Variants in DIABLO observed in about 807,000 individuals in gnomAD.
DIABLO encodes diablo homolog, mitochondrial.
In DIABLO, 32 loss-of-function variants were observed where a neutral mutation model predicts 31.7. The ratio of observed to expected loss-of-function variants is 1.01; its 90% CI spans 0.76 to 1.35. The LOEUF (loss-of-function observed/expected upper bound fraction) is 1.35. DIABLO is among the 40% of genes most tolerant of loss of function. DIABLO has a pLI of 0.00. For synonymous variants in DIABLO, 132 were observed against 103.2 expected, an observed-to-expected ratio of 1.28 and a Z score of -1.69; for missense variants, 316 against 286.4, an observed-to-expected ratio of 1.10 and a Z score of -0.75.
chr12:122,217,979 T>TTA (rs1416284035), intron 3 of DIABLO, among the ~76,000 whole-genome samples: 28 of 140,334 alleles, frequency 2.0e-4, no homozygotes, highest in African/African-American at 6.9e-4. Flanking sequence ...GATTTTTCTG[T>TTA]AAAAAAAAAA....
At position 122,225,671 on chromosome 12, in the gene DIABLO, C is replaced by T. The variant is rs895415909; in HGVS notation, c.50+294G>A. 4.7e-5 allele frequency: 65 copies of T among 1,373,116 alleles called. No homozygotes were observed. In the African/African-American group the frequency reaches 9.0e-4, roughly 19 times the overall value. 85.1% of individuals were successfully genotyped at this position (1,373,116 alleles called of 1,614,324 possible). ...CCTCCTCTCCACGTCTCCTCAGGGA[C>T]TTCGAGTGGCTGACGAGGGCTGGTC... On this transcript the variant is annotated intron_variant, in intron 1 of 5. Coordinates refer to ENST00000464942, the MANE Select transcript of DIABLO (RefSeq NM_001371333.1).
intron 1 of DIABLO, chr12:122,225,694 G>A (rs1434859713): frequency 3.6e-6 from 5 of 1,402,122 alleles, no homozygotes; most frequent in Non-Finnish European, 4.6e-6. Context: ...ACGAGGGCTG[G>A]TCAGGAGGCG....
intron 1 of DIABLO, 68 bp from the exon 2 acceptor site, chr12:122,224,712 C>T (rs1566029642): frequency 6.2e-7 from 1 of 1,613,498 alleles, no homozygotes; most frequent in East Asian, 2.2e-5. Flanking sequence ...GATTTACTTG[C>T]AGGGGCTGTA....
At chr12:122,215,152 C>A (rs1477290519) in intron 5 of DIABLO, among the ~76,000 whole-genome samples, 1 of 152,036 alleles carries the variant, frequency 6.6e-6, no homozygotes. Context: ...ATTAGCCAGG[C>A]GTGGTGGTGC....
At chr12:122,222,051 G>A (rs1274288630) in intron 2 of DIABLO, 7 of 152,132 alleles carry the variant, frequency 4.6e-5, no homozygotes, top group African/African-American at 1.2e-4. Flanking sequence ...GAACACACAC[G>A]TTAAGTGGCA....
At chr12:122,209,366 AG>A (rs200508438) in intron 5 of DIABLO, among the ~76,000 whole-genome samples, 12,843 of 148,702 alleles carry the variant, frequency 0.086, 1,968 homozygotes, top group African/African-American at 0.31. Context: ...CAAAAAAAAA[AG>A]AAAAAAAGAA....
intron 5 of DIABLO, among the ~76,000 whole-genome samples, chr12:122,213,277 C>A (rs1463478417): frequency 6.6e-6 from 1 of 151,812 alleles, no homozygotes; most frequent in Non-Finnish European, 1.5e-5. Context: ...TGTCTGTAAT[C>A]CCAGCAGTTT....
chr12:122,213,596 A>G (rs1046969630), intron 5 of DIABLO, among the ~76,000 whole-genome samples: 2 of 151,858 alleles, frequency 1.3e-5, no homozygotes, highest in African/African-American at 4.8e-5. Flanking sequence ...TAATGCTTAT[A>G]CATCCCCTCC....
At chr12:122,213,133 C>G (rs1018148602) in intron 5 of DIABLO, among the ~76,000 whole-genome samples, 1 of 152,040 alleles carries the variant, frequency 6.6e-6, no homozygotes, top group African/African-American at 2.4e-5. Flanking sequence ...AGTCTGGTCT[C>G]GAACTCCTGA....
Position 122,207,704 on chromosome 12 carries a change from A to G in DIABLO, c.*677T>C. The G allele has an allele frequency of 1.8e-6, 1 of 563,646 alleles. No homozygotes were observed. The highest frequency in any genetic ancestry group is 3.4e-6 in the Non-Finnish European group (1 of 298,066). 34.9% of individuals were successfully genotyped at this position (563,646 alleles called of 1,614,324 possible). On this transcript the variant is annotated 3_prime_UTR_variant, in exon 6 of 6. Transcript: ENST00000464942. ...CGCATTTTCTCTTTCAGATGCAAAC[A>G]AAATCTTACACTCTTCTCCTTTGGA...
At chr12:122,213,606 C>T (rs1954138033) in intron 5 of DIABLO, among the ~76,000 whole-genome samples, 1 of 152,030 alleles carries the variant, frequency 6.6e-6, no homozygotes, top group Admixed American at 6.6e-5. Flanking sequence ...ACATCCCCTC[C>T]TTTTCTCCTT....
rs748596027 is a variant in DIABLO at position 122,216,518 on chromosome 12, C to T, written c.493G>A (p.Glu165Lys). The change falls in exon 5 of 6, where the codon GAG becomes AAG. Residue 165 changes from glutamate (E) to lysine (K), a missense_variant. Glu to Lys is a moderately conservative substitution (Grantham distance 56). Coordinates refer to ENST00000464942, the MANE Select transcript of DIABLO (RefSeq NM_001371333.1). ...TGATATGCAGCTTCTGCTGCCATCTCTGAAAGACCAACTGCAGTCATCCAA... is the reference window on the plus strand; with the variant it reads ...TGATATGCAGCTTCTGCTGCCATCTTTGAAAGACCAACTGCAGTCATCCAA... ...TTWMTAVGLS[E>K]MAAEAAYQTG... 6.2e-7 allele frequency: 1 copy of T among 1,614,072 alleles called. No individual in the cohort carries two copies. Among genetic ancestry groups the T allele is most frequent in the Non-Finnish European group, 8.5e-7 (1 of 1,180,012 alleles).
upstream of DIABLO, chr12:122,226,223 T>G (rs759410515): frequency 7.6e-6 from 6 of 794,232 alleles, no homozygotes; most frequent in African/African-American, 6.3e-5. Flanking sequence ...CCGCCGGAAC[T>G]TCCGCGCGGG....
chr12:122,227,450 C>A (rs976764873), upstream of DIABLO: 85 of 454,032 alleles, frequency 1.9e-4, no homozygotes, highest in Non-Finnish European at 3.1e-4. Context: ...GCGATCTCGG[C>A]AGAACTGAGA....
At chr12:122,209,463 A>C (rs1954027650) in intron 5 of DIABLO, among the ~76,000 whole-genome samples, 1 of 152,198 alleles carries the variant, frequency 6.6e-6, no homozygotes, top group Non-Finnish European at 1.5e-5. Flanking sequence ...CAGGAGTTCA[A>C]GACCAGCCTG....
At chr12:122,227,374 A>G (rs1954499419), upstream of DIABLO, 1 of 453,554 alleles carries the variant, frequency 2.2e-6, no homozygotes, top group African/African-American at 2.0e-5. Context: ...GTTTCCACGA[A>G]TCTTCCACCC....
rs1953975293 is a variant in DIABLO at position 122,208,197 on chromosome 12, G to T, written c.*184C>A. On this transcript the variant is annotated 3_prime_UTR_variant, in exon 6 of 6. Transcript: ENST00000464942. ...TGCAGTGCCCAAGGGCTAAGAACCA[G>T]GTCCAGCGCAAGCCTGAGACCACAG... 1 of 739,594 alleles carries T rather than the reference G, an allele frequency of 1.4e-6. No homozygotes were observed. Among genetic ancestry groups the T allele is most frequent in the Admixed American group, 2.0e-5 (1 of 49,882 alleles). 45.8% of individuals were successfully genotyped at this position (739,594 alleles called of 1,614,324 possible).
Position 122,211,077 on chromosome 12 carries a change from TAAAAAAAAAAAA to T in DIABLO, c.524-2512_524-2501del, listed in dbSNP as rs1156571584. Among the ~76,000 whole-genome samples, 77 of 14,344 alleles carry T rather than the reference TAAAAAAAAAAAA, an allele frequency of 5.4e-3. 1 individual carries two copies. The South Asian group carries it at 0.14, about 26-fold the overall frequency. 9.4% of individuals were successfully genotyped at this position (14,344 alleles called of 152,430 possible). A position where few individuals can be genotyped will look rare whatever the true frequency, so the allele number is the denominator to read the frequency against. On this transcript the variant is annotated intron_variant, in intron 5 of 5. Transcript: ENST00000464942. ...TGATTTTCCTTTGTTTAGTTAAAAGTAAAAAAAAAAAAAAAAAAAAAAAAAAAAAAAAAAAAT... is the reference window on the plus strand; with the variant it reads ...TGATTTTCCTTTGTTTAGTTAAAAGTAAAAAAAAAAAAAAAAAAAAAAAAT...
intron 2 of DIABLO, among the ~76,000 whole-genome samples, chr12:122,219,392 A>C (rs986972218): frequency 2.0e-5 from 3 of 152,222 alleles, no homozygotes; most frequent in Non-Finnish European, 4.4e-5. Context: ...TAGAGAGAGC[A>C]GGATGATGGG....
Sources: gnomAD v4.1 joint callset for allele counts (sites outside exome capture counted in the v4.1 genomes callset) on GRCh38, gnomAD v4.1.1 for gene constraint, MANE v1.5 for transcripts, NCBI Gene and HGNC (gene_info 2026-07-23, HGNC 2026-07-21) for gene names.